The following TENM1 variants were observed in gnomAD, a reference collection of about 807,000 sequenced individuals.
The protein encoded by TENM1 is teneurin-1.
TENM1 carries 35 observed loss-of-function variants against 174.8 expected under a neutral mutation model. That is an observed-to-expected ratio of 0.20 (90% CI 0.15 to 0.27). The LOEUF is 0.27. Ranked by LOEUF, TENM1 falls within the 10% of genes least tolerant of loss-of-function variation. The probability of loss-of-function intolerance (pLI) is 1.00; values close to 1 mark genes in which losing one functional copy is unlikely to be tolerated. For synonymous variants in TENM1, 781 were observed against 798.7 expected, an observed-to-expected ratio of 0.98 and a Z score of 0.37; for missense variants, 1,633 against 2,130.1, an observed-to-expected ratio of 0.77 and a Z score of 4.59.
intron 18 of TENM1, among the ~76,000 whole-genome samples, chrX:124,508,093 G>A (rs775596692): frequency 2.2e-4 from 25 of 111,977 alleles, no homozygotes; most frequent in Non-Finnish European, 3.4e-4. Context: ...ACAAAAAACC[G>A]AAAGAACCAA....
At chrX:124,532,992 T>G (rs770831823) in intron 15 of TENM1, among the ~76,000 whole-genome samples, 24 of 112,337 alleles carry the variant, frequency 2.1e-4, no homozygotes, top group Admixed American at 4.7e-4. Context: ...AAGTATTCTT[T>G]TTAATTTGCA....
intron 1 of TENM1, among the ~76,000 whole-genome samples, chrX:124,908,029 G>C (rs921213138): frequency 1.8e-5 from 2 of 111,950 alleles, no homozygotes; most frequent in African/African-American, 6.5e-5. Flanking sequence ...ACCACTTCTA[G>C]GTAGTTCTGA....
chrX:125,082,005 A>T, the TENM1 span, among the ~76,000 whole-genome samples: 1 of 110,747 alleles, frequency 9.0e-6, no homozygotes, highest in Non-Finnish European at 1.9e-5. Flanking sequence ...AAGGAGGTGG[A>T]AAGGCAGTGG....
At chrX:124,985,122 T>C in the TENM1 span, among the ~76,000 whole-genome samples, 3 of 112,316 alleles carry the variant, frequency 2.7e-5, no homozygotes, top group African/African-American at 6.5e-5. Flanking sequence ...TCAAGAAATA[T>C]CTATTGACTG....
At chrX:124,851,941 G>A (rs2056727267) in intron 3 of TENM1, among the ~76,000 whole-genome samples, 1 of 110,981 alleles carries the variant, frequency 9.0e-6, no homozygotes, top group Non-Finnish European at 1.9e-5. Flanking sequence ...ATGCTCTAAG[G>A]TAAAAAACCA....
At chrX:125,147,286 T>C in the TENM1 span, among the ~76,000 whole-genome samples, 1 of 109,699 alleles carries the variant, frequency 9.1e-6, no homozygotes, top group Non-Finnish European at 1.9e-5. Context: ...GTATAGTATA[T>C]ACCATACTAT....
chrX:125,031,319 A>T, the TENM1 span, among the ~76,000 whole-genome samples: 1 of 111,115 alleles, frequency 9.0e-6, no homozygotes, highest in East Asian at 2.8e-4. Context: ...AATTAATATA[A>T]ATTAAGGAGT....
chrX:124,615,780 T>G (rs903326143), intron 11 of TENM1, among the ~76,000 whole-genome samples: 1 of 111,824 alleles, frequency 8.9e-6, no homozygotes, highest in African/African-American at 3.3e-5. Context: ...GAAGTCTCGG[T>G]CACAGAGAAA....
At chrX:124,997,492 C>T in the TENM1 span, among the ~76,000 whole-genome samples, 1 of 111,336 alleles carries the variant, frequency 9.0e-6, no homozygotes, top group African/African-American at 3.3e-5. Context: ...TGTCAAGTAT[C>T]GACAAACACA....
intron 5 of TENM1, among the ~76,000 whole-genome samples, chrX:124,690,912 T>C (rs1323005686): frequency 1.9e-5 from 2 of 105,827 alleles, no homozygotes; most frequent in Admixed American, 9.9e-5. Context: ...CTTTTCTTTA[T>C]AAATTACCTA....
At chrX:124,991,084 AT>A in the TENM1 span, among the ~76,000 whole-genome samples, 1 of 111,562 alleles carries the variant, frequency 9.0e-6, no homozygotes, top group Non-Finnish European at 1.9e-5. Context: ...ATGATTGTGC[AT>A]TTGTTGTTGA....
At chrX:124,734,275 C>A (rs58275626) in intron 4 of TENM1, among the ~76,000 whole-genome samples, 17,574 of 109,950 alleles carry the variant, frequency 0.16, 1,837 homozygotes, top group African/African-American at 0.37. Context: ...TATGGTGAAA[C>A]CCTGTCTCTA....
intron 3 of TENM1, among the ~76,000 whole-genome samples, chrX:124,757,327 G>C (rs1022470721): frequency 2.7e-5 from 3 of 112,528 alleles, no homozygotes; most frequent in Admixed American, 1.9e-4. Context: ...CTGGTGCGCC[G>C]TTTTTTAAGC....
chrX:124,952,134 T>C (rs761908146), intron 1 of TENM1, among the ~76,000 whole-genome samples: 1 of 111,259 alleles, frequency 9.0e-6, no homozygotes, highest in Non-Finnish European at 1.9e-5. Flanking sequence ...TTAGAGTATG[T>C]GGGATGGGAA....
At chrX:124,757,611 G>C (rs181257968) in intron 3 of TENM1, among the ~76,000 whole-genome samples, 1 of 112,438 alleles carries the variant, frequency 8.9e-6, no homozygotes, top group Non-Finnish European at 1.9e-5. Flanking sequence ...CTGTAGACTG[G>C]AGATGTTCCT....
chrX:124,835,613 T>C (rs2056376808), intron 3 of TENM1, among the ~76,000 whole-genome samples: 1 of 111,977 alleles, frequency 8.9e-6, no homozygotes, highest in East Asian at 2.8e-4. Flanking sequence ...ACCCTAAGTG[T>C]TAATATTTCC....
At chrX:124,392,085 A>T in exon 28 of TENM1, 1 of 1,209,144 alleles carries the variant, frequency 8.3e-7, no homozygotes, top group South Asian at 1.8e-5. Context: ...AAATTTTCCC[A>T]TCAGCCCAAG....
At chrX:124,995,026 T>G in the TENM1 span, among the ~76,000 whole-genome samples, 1 of 110,625 alleles carries the variant, frequency 9.0e-6, no homozygotes, top group South Asian at 3.8e-4. Flanking sequence ...CTCCTTCTAC[T>G]CTAACCATTC....
intron 3 of TENM1, among the ~76,000 whole-genome samples, chrX:124,753,363 G>C (rs1369565474): frequency 1.9e-5 from 2 of 105,492 alleles, no homozygotes; most frequent in Non-Finnish European, 3.9e-5. Context: ...TGCTGAAGTT[G>C]CTTATCAGCT....
Sources: gnomAD v4.1 joint callset for allele counts (sites outside exome capture counted in the v4.1 genomes callset) on GRCh38, gnomAD v4.1.1 for gene constraint, MANE v1.5 for transcripts, NCBI Gene and HGNC (gene_info 2026-07-23, HGNC 2026-07-21) for gene names.